Variants in SNAP25 observed in about 807,000 individuals in gnomAD.
The protein encoded by SNAP25 is synaptosome associated protein 25.
A neutral mutation model predicts 28.7 loss-of-function variants in SNAP25; 3 were observed. The ratio of observed to expected loss-of-function variants is 0.10; its 90% CI spans 0.05 to 0.27. SNAP25 has a LOEUF of 0.27. Ranked by LOEUF, SNAP25 falls within the 10% of genes least tolerant of loss-of-function variation. SNAP25 has a pLI of 1.00. For synonymous variants in SNAP25, 61 were observed against 88.1 expected (o/e 0.69, Z 1.72); for missense variants, 117 against 278.7 (o/e 0.42, Z 4.13).
intron 1 of SNAP25, among the ~76,000 whole-genome samples, chr20:10,255,767 T>C (rs1201054673): frequency 6.6e-6 from 1 of 152,236 alleles, no homozygotes; most frequent in Non-Finnish European, 1.5e-5. Context: ...CTCCTTTCCC[T>C]TTGTTAATAT....
chr20:10,255,589 A>G (rs1465005138), intron 1 of SNAP25, among the ~76,000 whole-genome samples: 1 of 152,230 alleles, frequency 6.6e-6, no homozygotes. Context: ...GCTAATAAAG[A>G]GTACAACTTG....
intron 4 of SNAP25, chr20:10,292,898 C>G (rs773131746): frequency 6.2e-7 from 1 of 1,605,972 alleles, no homozygotes; most frequent in Non-Finnish European, 8.5e-7. Flanking sequence ...TCGATCGTGT[C>G]GAAGAAGGCA....
At chr20:10,289,526 G>A (rs2063954258) in intron 4 of SNAP25, among the ~76,000 whole-genome samples, 1 of 151,686 alleles carries the variant, frequency 6.6e-6, no homozygotes, top group Admixed American at 6.6e-5. Flanking sequence ...GGTGGCATCT[G>A]AAAAACCATC....
At chr20:10,237,080 T>C (rs2062937640) in intron 1 of SNAP25, among the ~76,000 whole-genome samples, 1 of 152,104 alleles carries the variant, frequency 6.6e-6, no homozygotes, top group South Asian at 2.1e-4. Flanking sequence ...AGGGTGCACA[T>C]ATTTTATTTG....
At chr20:10,228,512 A>G (rs1357205189) in intron 1 of SNAP25, among the ~76,000 whole-genome samples, 1 of 152,180 alleles carries the variant, frequency 6.6e-6, no homozygotes, top group Non-Finnish European at 1.5e-5. Context: ...GTAAGTGACC[A>G]GAGAAACTAT....
At chr20:10,240,580 C>T (rs1030852103) in intron 1 of SNAP25, among the ~76,000 whole-genome samples, 4 of 152,178 alleles carry the variant, frequency 2.6e-5, no homozygotes, top group East Asian at 1.9e-4. Flanking sequence ...ATCCTGCTTC[C>T]TTCTGCCATT....
chr20:10,223,656 G>A (rs1386245713), intron 1 of SNAP25, among the ~76,000 whole-genome samples: 1 of 151,424 alleles, frequency 6.6e-6, no homozygotes, highest in Non-Finnish European at 1.5e-5. Flanking sequence ...GACATGATGA[G>A]GGGACAAAAA....
intron 2 of SNAP25, among the ~76,000 whole-genome samples, chr20:10,276,146 G>C (rs1230316627): frequency 6.6e-6 from 1 of 152,162 alleles, no homozygotes; most frequent in Non-Finnish European, 1.5e-5. Context: ...GTAATATGAA[G>C]TTGTAGCTTA....
At chr20:10,305,174 C>G (rs914166238) in intron 7 of SNAP25, among the ~76,000 whole-genome samples, 2 of 152,094 alleles carry the variant, frequency 1.3e-5, no homozygotes, top group African/African-American at 4.8e-5. Flanking sequence ...CTCAATATTT[C>G]TAAGTAACAC....
chr20:10,275,653 C>T, intron 2 of SNAP25, 90 bp downstream of exon 2: 1 of 1,020,248 alleles, frequency 9.8e-7, no homozygotes. Context: ...GCCTTTCTTT[C>T]AATGTCTCAA....
intron 1 of SNAP25, among the ~76,000 whole-genome samples, chr20:10,224,160 G>C (rs1310005811): frequency 6.8e-6 from 1 of 146,816 alleles, no homozygotes; most frequent in Non-Finnish European, 1.5e-5. Context: ...TAATCAGTCT[G>C]ACTCCAGAGA....
intron 6 of SNAP25, among the ~76,000 whole-genome samples, chr20:10,297,263 G>T (rs776416547): frequency 9.2e-5 from 14 of 152,184 alleles, no homozygotes; most frequent in Non-Finnish European, 1.8e-4. Flanking sequence ...GGGGCTGTTG[G>T]TGGGGCATGT....
At chr20:10,290,182 G>A (rs1190177566) in intron 4 of SNAP25, among the ~76,000 whole-genome samples, 1 of 152,146 alleles carries the variant, frequency 6.6e-6, no homozygotes, top group Non-Finnish European at 1.5e-5. Flanking sequence ...TCATTGAAGT[G>A]CCATGAAGTC....
chr20:10,247,575 G>A (rs2122781036), intron 1 of SNAP25, among the ~76,000 whole-genome samples: 1 of 152,194 alleles, frequency 6.6e-6, no homozygotes, highest in South Asian at 2.1e-4. Flanking sequence ...ATTTTCTTTT[G>A]GTAAAGGATG....
chr20:10,299,224 GT>G (rs764993778), intron 6 of SNAP25, 43 bp from the exon 7 acceptor site: 188 of 1,604,506 alleles, frequency 1.2e-4, no homozygotes, highest in Non-Finnish European at 1.6e-4. Context: ...TATTCAATAT[GT>G]TTTCCACCCT....
chr20:10,300,545 C>A (rs1600794738), intron 7 of SNAP25, among the ~76,000 whole-genome samples: 1 of 152,024 alleles, frequency 6.6e-6, no homozygotes, highest in Non-Finnish European at 1.5e-5. Flanking sequence ...TTTTGGTGAG[C>A]AGAGAAGGAT....
At chr20:10,263,380 A>C (rs2063453779) in intron 1 of SNAP25, among the ~76,000 whole-genome samples, 1 of 152,138 alleles carries the variant, frequency 6.6e-6, no homozygotes, top group African/African-American at 2.4e-5. Flanking sequence ...GACCACAAAG[A>C]ACCCCTAAGG....
intron 7 of SNAP25, among the ~76,000 whole-genome samples, chr20:10,301,691 T>A (rs1485422855): frequency 6.6e-6 from 1 of 152,014 alleles, no homozygotes; most frequent in Non-Finnish European, 1.5e-5. Context: ...TCAATCATGA[T>A]CTTTTCTCAT....
intron 1 of SNAP25, among the ~76,000 whole-genome samples, chr20:10,249,885 C>A (rs1046614713): frequency 6.6e-6 from 1 of 152,078 alleles, no homozygotes; most frequent in African/African-American, 2.4e-5. Flanking sequence ...AGTGTTAGAC[C>A]TAAAGGTCTA....
Sources: allele counts gnomAD v4.1 joint callset (sites outside exome capture counted in the v4.1 genomes callset), GRCh38; gene constraint gnomAD v4.1.1; transcripts MANE v1.5; gene names NCBI Gene and HGNC (gene_info 2026-07-23, HGNC 2026-07-21).